Variants in CNTNAP5 observed in about 807,000 individuals in gnomAD.
CNTNAP5 encodes contactin associated protein family member 5.
CNTNAP5 carries 72 observed loss-of-function variants against 150.2 expected under a neutral mutation model. The observed-to-expected ratio is 0.48, with a 90% CI of 0.40 to 0.58. CNTNAP5 has a LOEUF of 0.58. Among genes scored for constraint, CNTNAP5 ranks in the 20% least tolerant of loss-of-function variants. CNTNAP5 has a pLI of 0.00. For missense variants in CNTNAP5, 1,636 were observed against 1,626.2 expected (o/e 1.01, Z -0.10); for synonymous variants, 672 against 619.8 (o/e 1.08, Z -1.25).
intron 3 of CNTNAP5, among the ~76,000 whole-genome samples, chr2:124,261,195 A>G (rs971801308): frequency 6.6e-6 from 1 of 152,168 alleles, no homozygotes; most frequent in African/African-American, 2.4e-5. Context: ...AGTGAATCTT[A>G]TTACTAAAGA....
chr2:124,431,589 T>C (rs898217924), intron 4 of CNTNAP5, among the ~76,000 whole-genome samples: 7 of 144,708 alleles, frequency 4.8e-5, no homozygotes, highest in African/African-American at 1.5e-4. Context: ...ATATAATTTC[T>C]TTATATAAAC....
At chr2:124,466,500 C>T (rs1693381298) in intron 6 of CNTNAP5, among the ~76,000 whole-genome samples, 1 of 152,124 alleles carries the variant, frequency 6.6e-6, no homozygotes, top group African/African-American at 2.4e-5. Flanking sequence ...TCCTTAATTC[C>T]ACCACAGGGC....
At chr2:124,160,841 T>G (rs890724995) in intron 1 of CNTNAP5, among the ~76,000 whole-genome samples, 3 of 152,186 alleles carry the variant, frequency 2.0e-5, no homozygotes, top group African/African-American at 7.2e-5. Flanking sequence ...ATTTTGTAAC[T>G]GAAGAGTGCA....
intron 3 of CNTNAP5, among the ~76,000 whole-genome samples, chr2:124,252,928 TG>T (rs1278853314): frequency 6.6e-6 from 1 of 152,012 alleles, no homozygotes; most frequent in African/African-American, 2.4e-5. Context: ...GACCAATATT[TG>T]TAGAAGGCGA....
rs1010308338 is a variant in CNTNAP5 at position 124,793,249 on chromosome 2, G to A, written c.2992+3108G>A. The stretch of plus-strand genomic sequence containing the variant: ...ATCTTACTGAATATGAAATGCTATC[G>A]CATTGTGGTTTTGACTTGCATTCCC... On this transcript the variant is annotated intron_variant, in intron 18 of 23. Coordinates refer to ENST00000682447, the MANE Select transcript of CNTNAP5 (RefSeq NM_001367498.1). Among the ~76,000 whole-genome samples the A allele has an allele frequency of 2.6e-5, 4 of 152,050 alleles. No individual in the cohort carries two copies. The South Asian group carries it at 6.2e-4, about 24-fold the overall frequency.
intron 1 of CNTNAP5, among the ~76,000 whole-genome samples, chr2:124,070,415 A>T (rs976152697): frequency 1.3e-5 from 2 of 150,038 alleles, no homozygotes; most frequent in African/African-American, 4.9e-5. Flanking sequence ...AAAAAAAAAA[A>T]AAAAGCAAGA....
chr2:124,494,813 C>T (rs886214692), intron 7 of CNTNAP5, among the ~76,000 whole-genome samples: 2 of 152,214 alleles, frequency 1.3e-5, no homozygotes, highest in African/African-American at 4.8e-5. Context: ...CAGCAATCTA[C>T]ACTAATTTCC....
chr2:124,399,571 C>A (rs894928356), intron 3 of CNTNAP5, among the ~76,000 whole-genome samples: 1 of 151,788 alleles, frequency 6.6e-6, no homozygotes, highest in Non-Finnish European at 1.5e-5. Context: ...GAGCGAGCAT[C>A]CTAGATTTAT....
intron 7 of CNTNAP5, among the ~76,000 whole-genome samples, chr2:124,503,002 T>C (rs1209581397): frequency 2.6e-5 from 4 of 152,184 alleles, no homozygotes; most frequent in Non-Finnish European, 4.4e-5. Context: ...TCACAAGATA[T>C]GTATGTAAGT....
intron 13 of CNTNAP5, among the ~76,000 whole-genome samples, chr2:124,651,267 G>C (rs1045064690): frequency 6.6e-6 from 1 of 152,304 alleles, no homozygotes; most frequent in African/African-American, 2.4e-5. Flanking sequence ...TATGGCTGCA[G>C]GTGCATTTAA....
At chr2:124,834,122 T>A (rs1460745244) in intron 19 of CNTNAP5, among the ~76,000 whole-genome samples, 1 of 152,154 alleles carries the variant, frequency 6.6e-6, no homozygotes, top group East Asian at 1.9e-4. Context: ...TTATTCCACA[T>A]CATGAAATTG....
chr2:124,199,405 C>A (rs13411549), intron 1 of CNTNAP5, among the ~76,000 whole-genome samples: 42,899 of 140,918 alleles, frequency 0.3, 6,624 homozygotes, highest in South Asian at 0.47. Flanking sequence ...TACATTTATT[C>A]CAAGGTTCTT....
At chr2:124,770,913 A>C (rs1257335011) in intron 16 of CNTNAP5, among the ~76,000 whole-genome samples, 1 of 152,214 alleles carries the variant, frequency 6.6e-6, no homozygotes, top group Non-Finnish European at 1.5e-5. Flanking sequence ...TTTACAGACA[A>C]GAAAATTAAG....
At chr2:124,864,205 CA>C (rs1452317234) in intron 19 of CNTNAP5, among the ~76,000 whole-genome samples, 1 of 152,090 alleles carries the variant, frequency 6.6e-6, no homozygotes, top group Non-Finnish European at 1.5e-5. Flanking sequence ...GAATGTCTTT[CA>C]AACATTTTTT....
At chr2:124,560,913 T>A (rs965162623) in intron 10 of CNTNAP5, among the ~76,000 whole-genome samples, 1 of 152,082 alleles carries the variant, frequency 6.6e-6, no homozygotes, top group Non-Finnish European at 1.5e-5. Context: ...TTTTTTATTT[T>A]ATAGTTTCAG....
At chr2:124,620,691 CAT>C (rs1169719238) in intron 12 of CNTNAP5, among the ~76,000 whole-genome samples, 1 of 151,228 alleles carries the variant, frequency 6.6e-6, no homozygotes, top group Non-Finnish European at 1.5e-5. Context: ...AAATTGGTGA[CAT>C]GTAAGATTGT....
intron 10 of CNTNAP5, among the ~76,000 whole-genome samples, chr2:124,554,956 A>T (rs1430180423): frequency 6.6e-6 from 1 of 152,208 alleles, no homozygotes; most frequent in East Asian, 1.9e-4. Flanking sequence ...AGAAAAATTT[A>T]AAAATTAAAA....
At chr2:124,286,314 A>G (rs1688148148) in intron 3 of CNTNAP5, among the ~76,000 whole-genome samples, 1 of 152,182 alleles carries the variant, frequency 6.6e-6, no homozygotes, top group Non-Finnish European at 1.5e-5. Context: ...TCTTCTGCCC[A>G]GCATGAACTG....
chr2:124,749,618 A>G (rs1217711330), intron 14 of CNTNAP5, among the ~76,000 whole-genome samples: 1 of 151,760 alleles, frequency 6.6e-6, no homozygotes, highest in Non-Finnish European at 1.5e-5. Context: ...GTTTCTCCAT[A>G]TTGGTCAGGC....
Sources: allele counts gnomAD v4.1 joint callset (sites outside exome capture counted in the v4.1 genomes callset), GRCh38; gene constraint gnomAD v4.1.1; transcripts MANE v1.5; gene names NCBI Gene and HGNC (gene_info 2026-07-23, HGNC 2026-07-21).